FOXP1: variants seen among roughly 807,000 people sequenced by gnomAD.
FOXP1 encodes the protein forkhead box P1, also known as forkhead box protein P1.
A neutral mutation model predicts 98.2 loss-of-function variants in FOXP1; 15 were observed. The ratio of observed to expected loss-of-function variants is 0.15; its 90% CI spans 0.10 to 0.24. The LOEUF (loss-of-function observed/expected upper bound fraction) is 0.24, where lower values mean the gene tolerates loss of function less well. FOXP1 is among the 10% of genes least tolerant of loss of function. The probability of loss-of-function intolerance (pLI) is 1.00; values close to 1 mark genes in which losing one functional copy is unlikely to be tolerated. For missense variants in FOXP1, 633 were observed against 848.5 expected, an observed-to-expected ratio of 0.75 and a Z score of 3.15; for synonymous variants, 371 against 314.5, an observed-to-expected ratio of 1.18 and a Z score of -1.90.
chr3:71,371,414 TC>T (rs1236067352), intron 3 of FOXP1, among the ~76,000 whole-genome samples: 13 of 152,112 alleles, frequency 8.5e-5, no homozygotes, highest in Non-Finnish European at 1.3e-4. Flanking sequence ...GACACCGCAA[TC>T]CATTCCCCAG....
Position 71,005,857 on chromosome 3 carries a change from T to C in FOXP1, c.975-4798A>G, listed in dbSNP as rs77935477. On this transcript the variant is annotated intron_variant, in intron 12 of 20. Transcript: ENST00000649528. ...CTCGAAGTATACAGCACACATAAAATAAATACAGGTCACAAAAATTAACAA... is the reference window on the plus strand; with the variant it reads ...CTCGAAGTATACAGCACACATAAAACAAATACAGGTCACAAAAATTAACAA... 6.8e-3 allele frequency among the ~76,000 whole-genome samples: 1,041 copies of C among 152,120 alleles called. 9 individuals carry two copies. Among genetic ancestry groups the C allele is most frequent in the Non-Finnish European group, 9.2e-3 (623 of 67,984 alleles).
intron 3 of FOXP1, among the ~76,000 whole-genome samples, chr3:71,396,370 A>G (rs892079271): frequency 6.6e-6 from 1 of 152,118 alleles, no homozygotes; most frequent in South Asian, 2.1e-4. Flanking sequence ...AGTTTAATCA[A>G]CTCAAGTCTA....
rs2037961398 is a variant in FOXP1, at chr3:70,978,045, C to A, written c.1147-16G>T. 1 of 1,611,868 alleles carries A rather than the reference C, an allele frequency of 6.2e-7. No individual in the cohort carries two copies. The highest frequency in any genetic ancestry group is 1.3e-5 in the African/African-American group (1 of 74,864). On this transcript the variant is annotated splice_polypyrimidine_tract_variant and intron_variant, in intron 14 of 20. Transcript: ENST00000649528. ...CCAGATTCAACTGCAAGGAAAAAAA[C>A]AACGTCTTAGAAGACCTTCAGAAAA...
chr3:71,535,779 G>A (rs1279350945), intron 2 of FOXP1, among the ~76,000 whole-genome samples: 1 of 152,094 alleles, frequency 6.6e-6, no homozygotes, highest in African/African-American at 2.4e-5. Context: ...CAGGCTCCTG[G>A]TGATTCCCAT....
chr3:71,501,438 G>T (rs879348109), intron 2 of FOXP1, among the ~76,000 whole-genome samples: 7 of 151,544 alleles, frequency 4.6e-5, no homozygotes, highest in Non-Finnish European at 8.8e-5. Context: ...GGGATTACAG[G>T]CACGCACCAC....
intron 7 of FOXP1, among the ~76,000 whole-genome samples, chr3:71,067,989 T>TAA (rs3058699): frequency 0.088 from 11,850 of 134,644 alleles, 1,010 homozygotes; most frequent in African/African-American, 0.21. Flanking sequence ...TGGATAATTA[T>TAA]AAAAAAAAAA....
intron 4 of FOXP1, among the ~76,000 whole-genome samples, chr3:71,307,639 A>G (rs1576893702): frequency 6.6e-6 from 1 of 152,160 alleles, no homozygotes; most frequent in Non-Finnish European, 1.5e-5. Context: ...CAAATAAACC[A>G]CAAAACAAAA....
chr3:71,099,443 C>T (rs1246352584), intron 7 of FOXP1, among the ~76,000 whole-genome samples: 1 of 152,044 alleles, frequency 6.6e-6, no homozygotes, highest in East Asian at 1.9e-4. Flanking sequence ...ACCCTGGAGG[C>T]GGAGGTTGCA....
At chr3:71,536,056 G>T (rs770336917) in intron 2 of FOXP1, among the ~76,000 whole-genome samples, 1 of 152,180 alleles carries the variant, frequency 6.6e-6, no homozygotes, top group Non-Finnish European at 1.5e-5. Flanking sequence ...GAGGTAGTCT[G>T]CAGGGAGGGA....
chr3:71,328,948 G>A (rs1470805694), intron 4 of FOXP1, among the ~76,000 whole-genome samples: 1 of 133,216 alleles, frequency 7.5e-6, no homozygotes, highest in African/African-American at 2.8e-5. Flanking sequence ...TCCAGCCCGG[G>A]CAACAAGAGC....
chr3:71,472,345 C>G (rs1311073864), intron 3 of FOXP1, among the ~76,000 whole-genome samples: 1 of 151,930 alleles, frequency 6.6e-6, no homozygotes, highest in African/African-American at 2.4e-5. Flanking sequence ...ACACTCGACA[C>G]AAACCATACA....
intron 10 of FOXP1, among the ~76,000 whole-genome samples, chr3:71,043,659 C>T (rs1447240065): frequency 2.0e-5 from 3 of 152,188 alleles, no homozygotes; most frequent in African/African-American, 7.2e-5. Flanking sequence ...AAAGAACAAG[C>T]CACCTATTTC....
At chr3:71,386,310 G>C (rs1445833126) in intron 3 of FOXP1, among the ~76,000 whole-genome samples, 1 of 152,200 alleles carries the variant, frequency 6.6e-6, no homozygotes, top group Non-Finnish European at 1.5e-5. Flanking sequence ...ACTGGCAATA[G>C]AGTCAGTCCT....
chr3:71,496,980 G>C (rs1226672880), intron 2 of FOXP1, among the ~76,000 whole-genome samples: 1 of 151,994 alleles, frequency 6.6e-6, no homozygotes, highest in African/African-American at 2.4e-5. Flanking sequence ...GTGTGTGTGT[G>C]TGTGTTGTTA....
At chr3:71,541,900 A>G (rs890071742) in intron 2 of FOXP1, 1 of 482,720 alleles carries the variant, frequency 2.1e-6, no homozygotes, top group African/African-American at 2.0e-5. Flanking sequence ...TTAGGACTCA[A>G]AAGTCAACAC....
At chr3:71,016,351 A>C (rs2044485643) in intron 11 of FOXP1, among the ~76,000 whole-genome samples, 1 of 152,170 alleles carries the variant, frequency 6.6e-6, no homozygotes, top group African/African-American at 2.4e-5. Context: ...ACACGGATCC[A>C]AGTCATGGGA....
At chr3:70,970,842 C>G in intron 18 of FOXP1, 37 bp from the exon 19 acceptor site, 1 of 1,491,778 alleles carries the variant, frequency 6.7e-7, no homozygotes, top group Non-Finnish European at 9.4e-7. Context: ...AAGTTAAACA[C>G]AGTCGACTGC....
At chr3:71,094,357 G>C (rs1294043223) in intron 7 of FOXP1, among the ~76,000 whole-genome samples, 2 of 143,514 alleles carry the variant, frequency 1.4e-5, no homozygotes, top group African/African-American at 2.6e-5. Context: ...TCAGCTCACT[G>C]CAAGCTCCGC....
At chr3:71,525,166 C>T (rs1019168738) in intron 2 of FOXP1, among the ~76,000 whole-genome samples, 7 of 152,094 alleles carry the variant, frequency 4.6e-5, no homozygotes, top group East Asian at 1.9e-4. Context: ...CATGAAAGTG[C>T]GCCACACAGC....
Sources: gnomAD v4.1 joint callset for allele counts (sites outside exome capture counted in the v4.1 genomes callset) on GRCh38, gnomAD v4.1.1 for gene constraint, MANE v1.5 for transcripts, NCBI Gene and HGNC (gene_info 2026-07-23, HGNC 2026-07-21) for gene names.